PRKN: variants seen among roughly 807,000 people sequenced by gnomAD.
PRKN encodes E3 ubiquitin-protein ligase parkin.
In PRKN, 56 loss-of-function variants were observed where a neutral mutation model predicts 59.5. The ratio of observed to expected loss-of-function variants is 0.94; its 90% confidence interval spans 0.76 to 1.18. PRKN has a LOEUF of 1.18. PRKN is among the 50% of genes most tolerant of loss of function. PRKN has a pLI of 0.00. For synonymous variants in PRKN, 250 were observed against 222.1 expected (o/e 1.13, Z -1.12); for missense variants, 657 against 596.4 (o/e 1.10, Z -1.06).
At chr6:162,579,921 T>C (rs1025844041) in intron 1 of PRKN, among the ~76,000 whole-genome samples, 3 of 152,202 alleles carry the variant, frequency 2.0e-5, no homozygotes, top group African/African-American at 7.2e-5. Flanking sequence ...CCTCCCCAGA[T>C]GGGTGATACC....
chr6:162,704,698 T>C (rs1778276871), intron 1 of PRKN, among the ~76,000 whole-genome samples: 1 of 152,186 alleles, frequency 6.6e-6, no homozygotes, highest in African/African-American at 2.4e-5. Context: ...AAGTCTTCAT[T>C]GACTCGTCTA....
chr6:162,066,872 C>T (rs1778362002), intron 4 of PRKN, among the ~76,000 whole-genome samples: 1 of 152,156 alleles, frequency 6.6e-6, no homozygotes, highest in African/African-American at 2.4e-5. Context: ...TATGTTGTGG[C>T]AGAAGCTTTC....
intron 2 of PRKN, among the ~76,000 whole-genome samples, chr6:162,301,728 C>T (rs1033248483): frequency 7.1e-6 from 1 of 140,486 alleles, no homozygotes; most frequent in Admixed American, 8.5e-5. Context: ...AAGACCCTAT[C>T]TCTAAATACA....
chr6:161,517,355 C>A (rs1361683418), intron 9 of PRKN, among the ~76,000 whole-genome samples: 1 of 151,968 alleles, frequency 6.6e-6, no homozygotes, highest in Non-Finnish European at 1.5e-5. Context: ...CACAGCGCAC[C>A]AAAACGTACA....
At chr6:161,859,347 G>A (rs1793792205) in intron 6 of PRKN, among the ~76,000 whole-genome samples, 1 of 151,760 alleles carries the variant, frequency 6.6e-6, no homozygotes. Flanking sequence ...ACTGACGCCT[G>A]TAATCCCAGC....
rs11291587 is a variant in PRKN at position 161,419,395 on chromosome 6, CTT to C, written c.1084-32520_1084-32519del. Among the ~76,000 whole-genome samples the C allele has an allele frequency of 1.1e-4, 17 of 149,464 alleles. No homozygotes were observed. Among genetic ancestry groups the C allele is most frequent in the Admixed American group, 1.3e-4 (2 of 14,990 alleles). On this transcript the variant is annotated intron_variant, in intron 9 of 11. Coordinates refer to ENST00000366898, the MANE Select transcript of PRKN (RefSeq NM_004562.3). The surrounding 1 kb of genome is among the most constrained non-coding windows in gnomAD (Gnocchi z 4.1). ...CTTTCCTTTTTTCTTTTTTCTTCTTCTTTTTTTTTTTAAATGGAGTCTCGCTC... is the reference window on the plus strand; with the variant it reads ...CTTTCCTTTTTTCTTTTTTCTTCTTCTTTTTTTTTAAATGGAGTCTCGCTC...
chr6:162,263,088 T>A (rs886541884), intron 2 of PRKN, among the ~76,000 whole-genome samples: 1 of 152,106 alleles, frequency 6.6e-6, no homozygotes, highest in Non-Finnish European at 1.5e-5. Context: ...ATAATTCCTT[T>A]TTTCCCCCCA....
chr6:161,579,504 C>T lies in PRKN; in HGVS notation c.872-10088G>A, dbSNP rs1489988609. On this transcript the variant is annotated intron_variant, in intron 7 of 11. Transcript: ENST00000366898. The surrounding 1 kb of genome is among the most constrained non-coding windows in gnomAD (Gnocchi z 4.2). Reference sequence around the variant, plus strand: ...AAACTTGTGTAATTTATATTTGTACCCTATACTTCGCCATAGAGTGTGCTC... The same window carrying T: ...AAACTTGTGTAATTTATATTTGTACTCTATACTTCGCCATAGAGTGTGCTC... Among the ~76,000 whole-genome samples the T allele has an allele frequency of 1.3e-5, 2 of 152,142 alleles. No individual in the cohort carries two copies. Among genetic ancestry groups the T allele is most frequent in the East Asian group, 3.8e-4 (2 of 5,204 alleles).
intron 6 of PRKN, among the ~76,000 whole-genome samples, chr6:161,803,767 A>C (rs1022723829): frequency 7.9e-5 from 12 of 152,222 alleles, no homozygotes; most frequent in Non-Finnish European, 4.4e-5. Context: ...AAGCTGCATT[A>C]GGGCCGAGAG....
rs182226822 is a variant in PRKN, at chr6:162,556,302, T to C, written c.8-112829A>G. 1.7e-4 allele frequency among the ~76,000 whole-genome samples: 25 copies of C among 147,994 alleles called. No individual in the cohort carries two copies. The Admixed American group carries it at 1.7e-3, about 10-fold the overall frequency. ...GAGAACAGCTTTGATCAGAGGCAAC[T>C]GAAGGCGGGCAGAAGAAACCAAGCA... On this transcript the variant is annotated intron_variant, in intron 1 of 11. Coordinates refer to ENST00000366898, the MANE Select transcript of PRKN (RefSeq NM_004562.3).
intron 3 of PRKN, among the ~76,000 whole-genome samples, chr6:162,211,261 C>A (rs889765728): frequency 2.0e-5 from 3 of 152,194 alleles, no homozygotes; most frequent in Non-Finnish European, 4.4e-5. Context: ...TCACTACCCC[C>A]ACATCCCTCA....
chr6:162,103,017 T>C (rs1277886997), intron 4 of PRKN, among the ~76,000 whole-genome samples: 2 of 136,832 alleles, frequency 1.5e-5, no homozygotes, highest in Non-Finnish European at 3.0e-5. Flanking sequence ...CACTCCAGCC[T>C]GGGCGAAAGA....
chr6:161,514,611 T>G (rs1583175553), intron 9 of PRKN, among the ~76,000 whole-genome samples: 1 of 151,044 alleles, frequency 6.6e-6, no homozygotes, highest in African/African-American at 2.4e-5. Flanking sequence ...AGGAGGGAGG[T>G]GATGGGTGGG....
At chr6:161,760,032 TTCTTGTC>T (rs1789124397) in intron 7 of PRKN, among the ~76,000 whole-genome samples, 2 of 149,516 alleles carry the variant, frequency 1.3e-5, no homozygotes, top group South Asian at 4.3e-4. Flanking sequence ...CCTTTTATCT[TTCTTGTC>T]TCTAAATATA....
intron 2 of PRKN, among the ~76,000 whole-genome samples, chr6:162,294,190 G>A (rs1781560557): frequency 6.6e-6 from 1 of 152,090 alleles, no homozygotes; most frequent in South Asian, 2.1e-4. Context: ...AAAGCCCCCG[G>A]TGCTGAGGAA....
intron 6 of PRKN, among the ~76,000 whole-genome samples, chr6:161,800,409 G>A (rs1562693747): frequency 6.6e-6 from 1 of 152,162 alleles, no homozygotes. Context: ...ACTTTAAATG[G>A]AAATGAACCC....
chr6:161,835,908 G>A (rs957464278), intron 6 of PRKN, among the ~76,000 whole-genome samples: 5 of 152,178 alleles, frequency 3.3e-5, no homozygotes, highest in Admixed American at 3.3e-4. Context: ...ATTTGAAGCT[G>A]CCCACACAGA....
intron 6 of PRKN, among the ~76,000 whole-genome samples, chr6:161,965,937 G>C (rs1385991404): frequency 6.6e-6 from 1 of 151,966 alleles, no homozygotes; most frequent in Non-Finnish European, 1.5e-5. Context: ...TTTAAAAAGT[G>C]CTAGATTTTT....
At chr6:161,668,529 T>A (rs1320124162) in intron 7 of PRKN, among the ~76,000 whole-genome samples, 1 of 152,272 alleles carries the variant, frequency 6.6e-6, no homozygotes, top group East Asian at 1.9e-4. Flanking sequence ...TTGATCACCA[T>A]CATGACCAGA....
Sources: allele counts gnomAD v4.1 joint callset (sites outside exome capture counted in the v4.1 genomes callset), GRCh38; gene constraint gnomAD v4.1.1; non-coding constraint Gnocchi (gnomAD v3.1); transcripts MANE v1.5; gene names NCBI Gene and HGNC (gene_info 2026-07-23, HGNC 2026-07-21).